SNAPC4: variants seen among roughly 807,000 people sequenced by gnomAD.
The protein encoded by SNAPC4 is small nuclear RNA activating complex polypeptide 4.
SNAPC4 carries 127 observed loss-of-function variants against 151.3 expected under a neutral mutation model. That is an observed-to-expected ratio of 0.84 (90% CI 0.73 to 0.97). The LOEUF is 0.97. SNAPC4 is among the 50% of genes least tolerant of loss of function. The pLI, the probability that SNAPC4 is intolerant of heterozygous loss-of-function variation, is 0.00. For missense variants in SNAPC4, 2,186 were observed against 1,935.0 expected (o/e 1.13, Z -2.43); for synonymous variants, 1,002 against 824.4 (o/e 1.22, Z -3.69).
chr9:136,377,954 C>T lies in SNAPC4; in HGVS notation c.3873G>A (p.Gly1291=). Residue 1291 remains glycine, a synonymous_variant, in exon 22 of 24, where the codon GGG becomes GGA. Coordinates refer to ENST00000684778, the MANE Select transcript of SNAPC4 (RefSeq NM_003086.4). ...TGCTGCCCAGAAGAGGCACACGCAC[C>T]CCCCGCTGGCCCCCCAGCCACTGCT... is the stretch of plus-strand genomic sequence containing the variant. ...ATQQWLGGQR[G]VRVPLLGSRL... is the part of the protein sequence containing the mutation. The T allele has an allele frequency of 6.2e-7, 1 of 1,601,626 alleles. No homozygotes were observed. The highest frequency in any genetic ancestry group is 8.5e-7 in the Non-Finnish European group (1 of 1,174,142).
At chr9:136,385,444 T>C (rs1171952982) in intron 13 of SNAPC4, among the ~76,000 whole-genome samples, 1 of 152,190 alleles carries the variant, frequency 6.6e-6, no homozygotes, top group Non-Finnish European at 1.5e-5. Flanking sequence ...CTGAGAGAAA[T>C]AAACAGATAT....
chr9:136,379,728 A>T, intron 21 of SNAPC4, 109 bp downstream of exon 21: 1 of 1,029,160 alleles, frequency 9.7e-7, no homozygotes, highest in Non-Finnish European at 1.5e-6. Context: ...CAGGGGCCAC[A>T]GGCTGTGCTG....
At chr9:136,395,886 A>G in intron 3 of SNAPC4, 116 bp from the exon 4 acceptor site, 1 of 1,028,056 alleles carries the variant, frequency 9.7e-7, no homozygotes, top group Non-Finnish European at 1.4e-6. Flanking sequence ...CTGGCATAGC[A>G]ACACCCAATG....
Position 136,380,745 on chromosome 9 carries a change from G to A in SNAPC4, c.2494C>T (p.Leu832=). The change falls in exon 20 of 24, where the codon CTG becomes TTG. Residue 832 remains leucine (L), a synonymous_variant. Transcript: ENST00000684778. ...AGARDPPVHL[L]QASSSAQSTP... is the part of the protein sequence containing the mutation. ...TCACCCCAAGTGCCTGCTACCTGCAGAAGATGAACTGGTGGGTCCCGAGCA... is the reference window on the plus strand; with the variant it reads ...TCACCCCAAGTGCCTGCTACCTGCAAAAGATGAACTGGTGGGTCCCGAGCA... 7 of 1,579,784 alleles carry A rather than the reference G, an allele frequency of 4.4e-6. No homozygotes were observed. The highest frequency in any genetic ancestry group is 1.7e-5 in the Admixed American group (1 of 59,766).
chr9:136,398,759 C>G (rs1834357340), intron 1 of SNAPC4: 3 of 245,240 alleles, frequency 1.2e-5, no homozygotes, highest in Non-Finnish European at 2.4e-5. Flanking sequence ...GCTCCCACAC[C>G]AAGCCACATG....
intron 17 of SNAPC4, 75 bp from the exon 18 acceptor site, chr9:136,382,148 G>A (rs1833719241): frequency 1.3e-6 from 2 of 1,570,062 alleles, no homozygotes; most frequent in African/African-American, 2.7e-5. Flanking sequence ...AGTGGCCAGT[G>A]CTGCCCTCCA....
chr9:136,384,067 C>A (rs1179416845), intron 14 of SNAPC4, 35 bp from the exon 15 acceptor site: 2 of 1,577,912 alleles, frequency 1.3e-6, no homozygotes, highest in Non-Finnish European at 8.7e-7. Flanking sequence ...ATGCCTTCAT[C>A]CAAAGATTCT....
chr9:136,384,628 GAC>G, intron 14 of SNAPC4, 90 bp downstream of exon 14: 1 of 675,740 alleles, frequency 1.5e-6, no homozygotes, highest in South Asian at 2.1e-5. Context: ...CAGCCTGGAC[GAC>G]AGAGCTTGCT....
intron 22 of SNAPC4, among the ~76,000 whole-genome samples, 179 bp from the exon 23 acceptor site, chr9:136,376,660 T>C (rs568860737): frequency 2.0e-4 from 30 of 152,152 alleles, no homozygotes; most frequent in African/African-American, 7.0e-4. Flanking sequence ...GTGCACTCCC[T>C]CCCTCGGGGG....
chr9:136,394,708 G>C, intron 6 of SNAPC4, 92 bp downstream of exon 6: 5 of 1,147,896 alleles, frequency 4.4e-6, no homozygotes, highest in Non-Finnish European at 6.5e-6. Flanking sequence ...AACAGAGAGA[G>C]GTCTGAGAAC....
chr9:136,381,702 A>G (rs1588744381), intron 18 of SNAPC4, 122 bp downstream of exon 18: 3 of 1,266,052 alleles, frequency 2.4e-6, no homozygotes, highest in South Asian at 1.4e-5. Flanking sequence ...GGTGGCGCCC[A>G]CCCCAAAAAG....
In SNAPC4 at chr9:136,378,235, C is replaced by T; in HGVS notation, c.3592G>A (p.Ala1198Thr). 1 of 1,611,176 alleles carries T rather than the reference C, an allele frequency of 6.2e-7. No individual in the cohort carries two copies. The highest frequency in any genetic ancestry group is 8.5e-7 in the Non-Finnish European group (1 of 1,179,322). Residue 1198 changes from alanine to threonine, a missense_variant, in exon 22 of 24, where the codon GCA becomes ACA. Ala to Thr is a moderately conservative substitution (Grantham distance 58, BLOSUM62 0). Coordinates refer to ENST00000684778, the MANE Select transcript of SNAPC4 (RefSeq NM_003086.4). The part of the protein sequence containing the change: ...RTSSHADPPE[A>T]EPPWSGRLPA... ...AGCCTCCCGGACCAAGGGGGTTCTG[C>T]TTCAGGAGGGTCAGCGTGGGAGGAC...
intron 9 of SNAPC4, among the ~76,000 whole-genome samples, 198 bp downstream of exon 9, chr9:136,392,324 G>A (rs1396405166): frequency 2.0e-5 from 3 of 152,144 alleles, no homozygotes; most frequent in Admixed American, 6.5e-5. Context: ...AGAAAGGGCC[G>A]TGCACCAGCC....
chr9:136,379,597 G>A (rs1347951994), intron 21 of SNAPC4, among the ~76,000 whole-genome samples: 2 of 152,196 alleles, frequency 1.3e-5, no homozygotes, highest in Non-Finnish European at 2.9e-5. Context: ...CGCTCCAGAC[G>A]ACCCCTGCCT....
At chr9:136,399,637 G>A (rs1303665034) in intron 1 of SNAPC4, among the ~76,000 whole-genome samples, 1 of 152,168 alleles carries the variant, frequency 6.6e-6, no homozygotes, top group Non-Finnish European at 1.5e-5. Context: ...CACCAAGACG[G>A]AGCGCAGCAG....
chr9:136,386,143 T>C (rs1833880442), intron 13 of SNAPC4, among the ~76,000 whole-genome samples: 1 of 132,744 alleles, frequency 7.5e-6, no homozygotes, highest in Non-Finnish European at 1.7e-5. Context: ...GCCAACACGG[T>C]GACTTTTTTT....
chr9:136,399,025 G>A (rs1222446309), intron 1 of SNAPC4, among the ~76,000 whole-genome samples: 1 of 152,240 alleles, frequency 6.6e-6, no homozygotes, highest in Non-Finnish European at 1.5e-5. Context: ...CGCCTGGAAC[G>A]TGGCAGTGCC....
rs777967919 is a variant in SNAPC4, at chr9:136,377,628, C to T, written c.4199G>A (p.Ser1400Asn). ...LSVPSRVGSE[S>N]EDEDLLSELE... is the part of the protein sequence containing the mutation. ...CTCACTCAGGAGGTCTTCATCCTCA[C>T]TCTCAGAGCCCACCCTCGAAGGTAC... Residue 1400 changes from serine to asparagine, a missense_variant, in exon 22 of 24, where the codon AGT (serine) becomes AAT (asparagine). Ser to Asn is a conservative substitution (Grantham distance 46). Transcript: ENST00000684778. The T allele has an allele frequency of 1.4e-5, 22 of 1,578,302 alleles. No individual in the cohort carries two copies. The highest frequency in any genetic ancestry group is 1.8e-5 in the Admixed American group (1 of 54,930).
Position 136,381,318 on chromosome 9 carries a change from T to C in SNAPC4, c.2388+4A>G, listed in dbSNP as rs763972387. 1 of 1,610,228 alleles carries C rather than the reference T, an allele frequency of 6.2e-7. No individual in the cohort carries two copies. Among genetic ancestry groups the C allele is most frequent in the Non-Finnish European group, 8.5e-7 (1 of 1,177,640 alleles). On this transcript the variant is annotated splice_donor_region_variant and intron_variant, in intron 19 of 23. Coordinates refer to ENST00000684778, the MANE Select transcript of SNAPC4 (RefSeq NM_003086.4). ...GAAAACGAAGCTCTGCCCAAGTAGC[T>C]TACCTGGGTAAACAGGGTAAACACA...
Sources: gnomAD v4.1 joint callset for allele counts (sites outside exome capture counted in the v4.1 genomes callset) on GRCh38, gnomAD v4.1.1 for gene constraint, MANE v1.5 for transcripts, NCBI Gene and HGNC (gene_info 2026-07-23, HGNC 2026-07-21) for gene names.